The following FBXO36 variants were observed in gnomAD, a reference collection of about 807,000 sequenced individuals.
The protein encoded by FBXO36 is F-box only protein 36.
In FBXO36, 18 loss-of-function variants were observed where a neutral mutation model predicts 17.0. The observed-to-expected ratio is 1.06, with a 90% CI of 0.73 to 1.57. The LOEUF (loss-of-function observed/expected upper bound fraction) is 1.57, where lower values mean the gene tolerates loss of function less well. FBXO36 is among the 40% of genes most tolerant of loss of function. FBXO36 has a pLI of 0.00. For synonymous variants in FBXO36, 83 were observed against 85.3 expected (o/e 0.97, Z 0.15); for missense variants, 229 against 221.9 (o/e 1.03, Z -0.20).
Position 230,010,828 on chromosome 2 carries a change from C to A in FBXO36, c.511C>A (p.Arg171=), listed in dbSNP as rs139190280. 2.1e-5 allele frequency: 34 copies of A among 1,613,572 alleles called. No homozygotes were observed. The highest frequency in any genetic ancestry group is 2.7e-5 in the Non-Finnish European group (32 of 1,179,752). Residue 171 remains arginine, a synonymous_variant, in exon 4 of 4, where the codon CGG becomes AGG. Transcript: ENST00000283946. ...LFFTNKLQLQ[R]QLRKRKQKYG... is the part of the protein sequence containing the mutation. ...CTTCACCAACAAGCTCCAGCTCCAG[C>A]GGCAGCTCCGCAAGAGGAAACAAAA...
At position 229,922,555 on chromosome 2, in the gene FBXO36, A is replaced by G; in HGVS notation, c.42A>G (p.Gly14=). 6.2e-7 allele frequency: 1 copy of G among 1,614,026 alleles called. No individual in the cohort carries two copies. Among genetic ancestry groups the G allele is most frequent in the Non-Finnish European group, 8.5e-7 (1 of 1,179,996 alleles). The change falls in exon 1 of 4, where the codon GGA becomes GGG. Residue 14 remains glycine (G), a synonymous_variant. Transcript: ENST00000283946. The part of the protein sequence containing the change: ...WLPETLFETV[G]QGPPPSKDYY... The stretch of plus-strand genomic sequence containing the variant: ...CGGAGACTCTCTTTGAAACTGTAGG[A>G]CAAGGCCCGCCGCCTAGCAAAGACT...
intron 3 of FBXO36, 56 bp downstream of exon 3, chr2:229,996,979 A>C: frequency 6.5e-7 from 1 of 1,530,930 alleles, no homozygotes. Flanking sequence ...TTCTAAAAAA[A>C]ATTTTTAACA....
chr2:229,957,297 C>A (rs928066464), intron 1 of FBXO36, among the ~76,000 whole-genome samples: 1 of 152,150 alleles, frequency 6.6e-6, no homozygotes, highest in African/African-American at 2.4e-5. Flanking sequence ...ATGAAGTAGG[C>A]CGGGCACGGT....
intron 1 of FBXO36, among the ~76,000 whole-genome samples, chr2:229,956,999 C>A (rs1319438296): frequency 6.6e-6 from 1 of 152,140 alleles, no homozygotes; most frequent in Non-Finnish European, 1.5e-5. Flanking sequence ...TACCATCACA[C>A]TGGGGGTTAG....
intron 1 of FBXO36, among the ~76,000 whole-genome samples, chr2:229,955,464 T>C (rs537428): frequency 0.93 from 141,410 of 151,776 alleles, 66,682 homozygotes; most frequent in East Asian, 1. Context: ...TGGCGTGAGC[T>C]CTGCTTGTGC....
intron 2 of FBXO36, among the ~76,000 whole-genome samples, chr2:229,991,939 G>C (rs781764636): frequency 6.6e-6 from 1 of 152,130 alleles, no homozygotes; most frequent in Admixed American, 6.5e-5. Flanking sequence ...CTTTGCCTGA[G>C]AGTCACTTCT....
At chr2:229,974,322 C>T (rs2077196516) in intron 1 of FBXO36, among the ~76,000 whole-genome samples, 1 of 152,092 alleles carries the variant, frequency 6.6e-6, no homozygotes, top group Non-Finnish European at 1.5e-5. Context: ...GTTATATTCT[C>T]AGTAATTTAC....
At chr2:230,003,850 G>A (rs967111744) in intron 3 of FBXO36, among the ~76,000 whole-genome samples, 1 of 152,134 alleles carries the variant, frequency 6.6e-6, no homozygotes, top group African/African-American at 2.4e-5. Flanking sequence ...TCTGCTTCTT[G>A]ACTCATCTCT....
chr2:229,963,374 T>C (rs983162278), intron 1 of FBXO36, among the ~76,000 whole-genome samples: 1 of 150,190 alleles, frequency 6.7e-6, no homozygotes. Flanking sequence ...CCCCAGGTTG[T>C]TTTTTTTAGC....
intron 3 of FBXO36, among the ~76,000 whole-genome samples, 177 bp from the exon 4 acceptor site, chr2:230,010,519 G>A (rs997500839): frequency 3.9e-5 from 6 of 152,170 alleles, no homozygotes; most frequent in African/African-American, 1.4e-4. Context: ...ATGTCCTTTA[G>A]ATATATGTGC....
Position 229,993,392 on chromosome 2 carries a change from G to A in FBXO36, c.206-3359G>A, listed in dbSNP as rs187023276. On this transcript the variant is annotated intron_variant, in intron 2 of 3. Transcript: ENST00000283946. ...TTGGCTTCTCGCAGAGTGAGTGATCGAAGAGCAAAGCAGAAGCCTTTATGA... is the reference window on the plus strand; with the variant it reads ...TTGGCTTCTCGCAGAGTGAGTGATCAAAGAGCAAAGCAGAAGCCTTTATGA... 1.7e-3 allele frequency among the ~76,000 whole-genome samples: 253 copies of A among 152,290 alleles called. 1 individual carries two copies. The South Asian group carries it at 0.018, about 11-fold the overall frequency.
intron 1 of FBXO36, among the ~76,000 whole-genome samples, chr2:229,955,914 C>T (rs921164702): frequency 1.8e-4 from 28 of 152,172 alleles, no homozygotes; most frequent in African/African-American, 5.8e-4. Context: ...TCAGGTCCCA[C>T]TGAGCAGTGA....
chr2:229,974,488 G>C (rs539591750), intron 1 of FBXO36, among the ~76,000 whole-genome samples: 1 of 152,152 alleles, frequency 6.6e-6, no homozygotes, highest in Admixed American at 6.6e-5. Context: ...GTTAGTATAA[G>C]GAATGTCGAA....
At chr2:229,941,251 C>G (rs1198848407) in intron 1 of FBXO36, among the ~76,000 whole-genome samples, 2 of 152,052 alleles carry the variant, frequency 1.3e-5, no homozygotes, top group African/African-American at 4.8e-5. Context: ...GTCAGGAGAT[C>G]GAGACCATCC....
intron 1 of FBXO36, among the ~76,000 whole-genome samples, chr2:229,952,564 GC>G (rs2077062672): frequency 6.6e-6 from 1 of 152,090 alleles, no homozygotes; most frequent in African/African-American, 2.4e-5. Context: ...GCAAACCTCC[GC>G]CCCGACCTTT....
intron 1 of FBXO36, among the ~76,000 whole-genome samples, chr2:229,924,040 G>A (rs1350714402): frequency 6.6e-6 from 1 of 150,642 alleles, no homozygotes; most frequent in African/African-American, 2.4e-5. Context: ...CACCGCGCCC[G>A]GCCTTGTACA....
chr2:229,993,398 C>T (rs973205866), intron 2 of FBXO36, among the ~76,000 whole-genome samples: 4 of 152,174 alleles, frequency 2.6e-5, no homozygotes, highest in Admixed American at 2.6e-4. Flanking sequence ...GATCGAAGAG[C>T]AAAGCAGAAG....
chr2:229,993,873 A>G (rs915293190), intron 2 of FBXO36, among the ~76,000 whole-genome samples: 1 of 151,842 alleles, frequency 6.6e-6, no homozygotes, highest in African/African-American at 2.4e-5. Context: ...CTCCCGCCTC[A>G]GCCTCCTGAG....
rs748422157 is a variant in FBXO36, at chr2:229,995,592, C to CTTTTTTTTTTTTTTTT, written c.206-1156_206-1155insTTTTTTTTTTTTTTTT. 4.4e-5 allele frequency among the ~76,000 whole-genome samples: 5 copies of CTTTTTTTTTTTTTTTT among 114,556 alleles called. 1 individual carries two copies. Among genetic ancestry groups the CTTTTTTTTTTTTTTTT allele is most frequent in the Non-Finnish European group, 3.6e-5 (2 of 55,180 alleles). The allele number at this position is 114,556 out of a possible 152,430, so 75.2% of individuals were successfully genotyped here. A position where few individuals can be genotyped will look rare whatever the true frequency, so the allele number is the denominator to read the frequency against. Reference sequence around the variant, plus strand: ...TTTCTTTCTTTCTTTCTCTTTCTTTCTTTCTTTTTTTTTTTTTTGGACAGA... The same window carrying CTTTTTTTTTTTTTTTT: ...TTTCTTTCTTTCTTTCTCTTTCTTTCTTTTTTTTTTTTTTTTTTTCTTTTTTTTTTTTTTGGACAGA... On this transcript the variant is annotated intron_variant, in intron 2 of 3. Coordinates refer to ENST00000283946, the MANE Select transcript of FBXO36 (RefSeq NM_174899.5).
Sources: allele counts gnomAD v4.1 joint callset (sites outside exome capture counted in the v4.1 genomes callset), GRCh38; gene constraint gnomAD v4.1.1; transcripts MANE v1.5; gene names NCBI Gene and HGNC (gene_info 2026-07-23, HGNC 2026-07-21).